The following ODAD2 variants were observed in gnomAD, a reference collection of about 807,000 sequenced individuals.
ODAD2 encodes the protein outer dynein arm-docking complex subunit 2.
Under a neutral mutation model 106.8 loss-of-function variants are expected in ODAD2, and 89 were observed. The ratio of observed to expected loss-of-function variants is 0.83; its 90% confidence interval spans 0.70 to 0.99. ODAD2 has a LOEUF of 0.99. Ranked by LOEUF, ODAD2 falls within the 50% of genes least tolerant of loss-of-function variation. The pLI is 0.00. For synonymous variants in ODAD2, 404 were observed against 436.2 expected (o/e 0.93, Z 0.92); for missense variants, 1,168 against 1,238.5 (o/e 0.94, Z 0.85).
At chr10:27,822,333 C>G (rs1327256909) in intron 19 of ODAD2, among the ~76,000 whole-genome samples, 1 of 152,186 alleles carries the variant, frequency 6.6e-6, no homozygotes, top group East Asian at 1.9e-4. Flanking sequence ...TTTGGGTGAA[C>G]ACAGCCTAGA....
At chr10:27,820,295 C>G in intron 19 of ODAD2, among the ~76,000 whole-genome samples, 1 of 152,066 alleles carries the variant, frequency 6.6e-6, no homozygotes, top group East Asian at 1.9e-4. Context: ...TGCGTTTCGC[C>G]CATCCTCCCT....
intron 10 of ODAD2, among the ~76,000 whole-genome samples, chr10:27,946,483 T>A (rs1846938483): frequency 6.6e-6 from 1 of 152,170 alleles, no homozygotes; most frequent in South Asian, 2.1e-4. Context: ...ATCAGGATAA[T>A]TGAGATATTT....
chr10:27,887,011 A>G (rs1763982078), intron 17 of ODAD2, among the ~76,000 whole-genome samples: 1 of 152,042 alleles, frequency 6.6e-6, no homozygotes, highest in Non-Finnish European at 1.5e-5. Flanking sequence ...CAGCAAAAAT[A>G]AGTGCTTTCC....
chr10:27,845,616 C>A (rs1313772743), intron 19 of ODAD2, among the ~76,000 whole-genome samples: 1 of 152,174 alleles, frequency 6.6e-6, no homozygotes, highest in African/African-American at 2.4e-5. Flanking sequence ...AATTAAAAGA[C>A]ACAGACTGAC....
At chr10:27,997,782 A>T (rs1850641122) in intron 1 of ODAD2, among the ~76,000 whole-genome samples, 1 of 152,336 alleles carries the variant, frequency 6.6e-6, no homozygotes, top group Admixed American at 6.5e-5. Context: ...TAAGATTTTA[A>T]AATCAAGACC....
chr10:27,859,691 T>C (rs1313639866), intron 19 of ODAD2, among the ~76,000 whole-genome samples: 1 of 152,242 alleles, frequency 6.6e-6, no homozygotes, highest in African/African-American at 2.4e-5. Context: ...ATATTTTAAA[T>C]CAATTTTTCC....
chr10:27,932,783 C>T (rs1845702539), intron 16 of ODAD2, among the ~76,000 whole-genome samples: 1 of 152,130 alleles, frequency 6.6e-6, no homozygotes, highest in African/African-American at 2.4e-5. Flanking sequence ...GTTTTCTTGT[C>T]TTCATAGCTT....
intron 8 of ODAD2, among the ~76,000 whole-genome samples, chr10:27,970,815 A>C (rs1848796985): frequency 6.6e-6 from 1 of 151,996 alleles, no homozygotes; most frequent in Admixed American, 6.6e-5. Flanking sequence ...ATTACAAAAA[A>C]TAAAAAGTTA....
At chr10:27,963,403 G>T (rs1294772999) in intron 9 of ODAD2, among the ~76,000 whole-genome samples, 1 of 152,060 alleles carries the variant, frequency 6.6e-6, no homozygotes, top group Non-Finnish European at 1.5e-5. Flanking sequence ...AAATGTCAGA[G>T]AAATTAAGAG....
chr10:27,829,359 C>T (rs1342767842), intron 19 of ODAD2, among the ~76,000 whole-genome samples: 1 of 152,122 alleles, frequency 6.6e-6, no homozygotes, highest in Non-Finnish European at 1.5e-5. Flanking sequence ...TTCTTTTGGT[C>T]CAGTAATTGC....
intron 10 of ODAD2, among the ~76,000 whole-genome samples, chr10:27,952,827 A>G (rs1342714335): frequency 6.6e-6 from 1 of 152,136 alleles, no homozygotes; most frequent in Non-Finnish European, 1.5e-5. Context: ...TAGAGTGTAA[A>G]TTGATATTTG....
chr10:27,887,803 CA>C (rs1054111341), intron 17 of ODAD2, among the ~76,000 whole-genome samples: 3 of 151,668 alleles, frequency 2.0e-5, no homozygotes, highest in African/African-American at 7.3e-5. Flanking sequence ...GTTGGTTACT[CA>C]AAAAGATAAA....
At chr10:27,932,713 A>G (rs1229356036) in intron 16 of ODAD2, among the ~76,000 whole-genome samples, 1 of 152,150 alleles carries the variant, frequency 6.6e-6, no homozygotes, top group Non-Finnish European at 1.5e-5. Flanking sequence ...CCGAGTCTAC[A>G]TTCCTGACTG....
chr10:27,995,013 T>G lies in ODAD2; in HGVS notation c.130A>C (p.Lys44Gln), dbSNP rs372462289. Residue 44 changes from lysine (K) to glutamine (Q), a missense_variant, in exon 2 of 20, where the codon AAA becomes CAA. Physicochemically the swap from Lys to Gln is moderately conservative, Grantham distance 53. Transcript: ENST00000305242. ...IIVFVESFIY[K>Q]HPQEAKFVFV... ...ACAAATTTTGCCTCTTGAGGATGTT[T>G]ATAGATAAAACTCTCCACAAACACA... 2.2e-5 allele frequency: 35 copies of G among 1,614,070 alleles called. No homozygotes were observed. Among genetic ancestry groups the G allele is most frequent in the Non-Finnish European group, 2.6e-5 (31 of 1,180,034 alleles).
intron 9 of ODAD2, among the ~76,000 whole-genome samples, chr10:27,963,698 C>T (rs1437323040): frequency 1.3e-5 from 2 of 152,008 alleles, no homozygotes; most frequent in Non-Finnish European, 1.5e-5. Flanking sequence ...TGTTTCACTA[C>T]AGAAATGCTC....
At chr10:27,876,667 G>A (rs1841361879) in intron 17 of ODAD2, among the ~76,000 whole-genome samples, 1 of 152,184 alleles carries the variant, frequency 6.6e-6, no homozygotes, top group Non-Finnish European at 1.5e-5. Context: ...GGAATCCTCT[G>A]GGAGTCCTCC....
intron 3 of ODAD2, 29 bp from the exon 4 acceptor site, chr10:27,985,240 T>C: frequency 6.9e-7 from 1 of 1,439,086 alleles, no homozygotes; most frequent in Non-Finnish European, 9.2e-7. Flanking sequence ...AGGAGACAAA[T>C]AAAAATTATC....
intron 19 of ODAD2, among the ~76,000 whole-genome samples, chr10:27,834,573 T>C (rs1290246084): frequency 6.6e-6 from 1 of 152,028 alleles, no homozygotes; most frequent in Non-Finnish European, 1.5e-5. Flanking sequence ...GGGACTGTGC[T>C]ACGAGGAAGG....
At chr10:27,943,300 A>G (rs569370526) in intron 12 of ODAD2, among the ~76,000 whole-genome samples, 19 of 152,308 alleles carry the variant, frequency 1.2e-4, no homozygotes, top group South Asian at 1.0e-3. Flanking sequence ...AAATTGGCAA[A>G]TGTAGAAATG....
Sources: allele counts gnomAD v4.1 joint callset (sites outside exome capture counted in the v4.1 genomes callset), GRCh38; gene constraint gnomAD v4.1.1; transcripts MANE v1.5; gene names NCBI Gene and HGNC (gene_info 2026-07-23, HGNC 2026-07-21).